The following GOLIM4 variants were observed in gnomAD, a reference collection of about 807,000 sequenced individuals.
GOLIM4 encodes 130 kDa golgi-localized phosphoprotein.
In GOLIM4, 71 loss-of-function variants were observed where a neutral mutation model predicts 107.4. That is an observed-to-expected ratio of 0.66 (90% CI 0.55 to 0.81). GOLIM4 has a LOEUF of 0.81. Ranked by LOEUF, GOLIM4 falls within the 30% of genes least tolerant of loss-of-function variation. GOLIM4 has a pLI of 0.00. For missense variants in GOLIM4, 830 were observed against 826.1 expected, an observed-to-expected ratio of 1.00 and a Z score of -0.06; for synonymous variants, 327 against 294.8, an observed-to-expected ratio of 1.11 and a Z score of -1.12.
intron 1 of GOLIM4, among the ~76,000 whole-genome samples, chr3:168,086,058 A>G (rs1039314997): frequency 1.3e-5 from 2 of 152,186 alleles, no homozygotes; most frequent in Admixed American, 6.5e-5. Context: ...ACAGTAAAAA[A>G]AATTATTTTT....
intron 3 of GOLIM4, among the ~76,000 whole-genome samples, chr3:168,046,737 A>G (rs900456472): frequency 2.8e-4 from 43 of 152,070 alleles, no homozygotes; most frequent in African/African-American, 9.7e-4. Flanking sequence ...TTCCCAGTTT[A>G]TCCCTATTAT....
chr3:168,014,080 A>C (rs1717221656), intron 14 of GOLIM4, among the ~76,000 whole-genome samples: 1 of 141,252 alleles, frequency 7.1e-6, no homozygotes, highest in African/African-American at 3.1e-5. Context: ...AAAACCCTTC[A>C]AAAAATTAAT....
At chr3:168,030,120 GGAGGCAGAGCTGGTTTATTAACGACTA>G in intron 9 of GOLIM4, 84 bp from the exon 10 acceptor site, 2 of 1,362,268 alleles carry the variant, frequency 1.5e-6, no homozygotes, top group Non-Finnish European at 2.0e-6. Flanking sequence ...GACAAACTCA[GGAGGCAGAGCTGGTTTATTAACGACTA>G]TTTGTCAGGT....
chr3:168,065,098 A>T (rs1720482902), intron 1 of GOLIM4, among the ~76,000 whole-genome samples: 1 of 152,196 alleles, frequency 6.6e-6, no homozygotes, highest in African/African-American at 2.4e-5. Context: ...GACACTAACA[A>T]ATTCACTGTT....
chr3:168,038,987 G>A (rs1281567350), intron 7 of GOLIM4, among the ~76,000 whole-genome samples: 2 of 152,132 alleles, frequency 1.3e-5, no homozygotes, highest in African/African-American at 4.8e-5. Flanking sequence ...CTGCAACCTG[G>A]AAGAAGAGGG....
chr3:168,086,333 T>C (rs987968057), intron 1 of GOLIM4, among the ~76,000 whole-genome samples: 4 of 152,172 alleles, frequency 2.6e-5, no homozygotes, highest in African/African-American at 9.6e-5. Flanking sequence ...ATAATATTTA[T>C]TTGACAGCAT....
chr3:168,088,375 T>G (rs1721731376), intron 1 of GOLIM4, among the ~76,000 whole-genome samples: 1 of 152,118 alleles, frequency 6.6e-6, no homozygotes, highest in Non-Finnish European at 1.5e-5. Flanking sequence ...ACAACAGTAG[T>G]TCTGGTCACC....
At chr3:168,072,966 T>C (rs1720909690) in intron 1 of GOLIM4, among the ~76,000 whole-genome samples, 1 of 152,218 alleles carries the variant, frequency 6.6e-6, no homozygotes, top group Non-Finnish European at 1.5e-5. Context: ...TAAAAATATA[T>C]GATTAAATAA....
chr3:168,069,311 G>C (rs1033697369), intron 1 of GOLIM4, among the ~76,000 whole-genome samples: 3 of 152,108 alleles, frequency 2.0e-5, no homozygotes, highest in African/African-American at 7.2e-5. Context: ...ACATTGCTAG[G>C]TCCAAGGGAC....
intron 1 of GOLIM4, among the ~76,000 whole-genome samples, chr3:168,079,611 T>C (rs571587207): frequency 7.4e-4 from 112 of 152,192 alleles, no homozygotes; most frequent in Non-Finnish European, 1.3e-3. Flanking sequence ...ATCTAAATTG[T>C]TATATTTGGT....
chr3:168,058,957 T>G (rs1474210626), intron 1 of GOLIM4, among the ~76,000 whole-genome samples: 3 of 152,132 alleles, frequency 2.0e-5, no homozygotes, highest in Non-Finnish European at 4.4e-5. Context: ...CAGAAAATTA[T>G]GCACAAGAGA....
chr3:168,062,059 G>T (rs530573320), intron 1 of GOLIM4, among the ~76,000 whole-genome samples: 1 of 152,256 alleles, frequency 6.6e-6, no homozygotes, highest in South Asian at 2.1e-4. Context: ...GTTATTTTTA[G>T]TTACATAAAT....
rs1188074446 is a variant in GOLIM4 at position 168,034,308 on chromosome 3, C to T, written c.844-1456G>A. Among the ~76,000 whole-genome samples the T allele has an allele frequency of 4.6e-5, 7 of 152,222 alleles. No homozygotes were observed. The South Asian group carries it at 1.4e-3, about 32-fold the overall frequency. ...GGTTAGTGCAGATAACTCCTATCTCCACCTCAGAGATGGAAAAACTGAAGA... is the reference window on the plus strand; with the variant it reads ...GGTTAGTGCAGATAACTCCTATCTCTACCTCAGAGATGGAAAAACTGAAGA... On this transcript the variant is annotated intron_variant, in intron 8 of 15. Transcript: ENST00000470487.
In GOLIM4 at chr3:168,056,036, C is replaced by T. The variant is rs145069962; in HGVS notation, c.188-7671G>A. ...GTCTCCAGGGCATGTCAGAGGTCTT[C>T]ACAGCAGCCCCTCCTATCACAGGCC... On this transcript the variant is annotated intron_variant, in intron 1 of 15. Transcript: ENST00000470487. Among the ~76,000 whole-genome samples, 109 of 152,340 alleles carry T rather than the reference C, an allele frequency of 7.2e-4. 1 individual carries two copies. Among genetic ancestry groups the T allele is most frequent in the African/African-American group, 2.5e-3 (105 of 41,572 alleles).
intron 1 of GOLIM4, among the ~76,000 whole-genome samples, chr3:168,048,597 G>C (rs1051656503): frequency 6.6e-6 from 1 of 152,148 alleles, no homozygotes; most frequent in Non-Finnish European, 1.5e-5. Context: ...TCTGAATGAT[G>C]CTTCCACCTT....
chr3:168,054,227 T>G (rs551796196), intron 1 of GOLIM4, among the ~76,000 whole-genome samples: 1 of 152,210 alleles, frequency 6.6e-6, no homozygotes, highest in African/African-American at 2.4e-5. Context: ...TTCCCACACA[T>G]TCAAGGCCCA....
At chr3:168,080,614 C>T (rs368394501) in intron 1 of GOLIM4, among the ~76,000 whole-genome samples, 3 of 152,062 alleles carry the variant, frequency 2.0e-5, no homozygotes, top group East Asian at 3.9e-4. Context: ...AACTTAGGTG[C>T]TTCTATAGGC....
At chr3:168,016,743 G>C (rs1717387805) in intron 14 of GOLIM4, among the ~76,000 whole-genome samples, 1 of 136,084 alleles carries the variant, frequency 7.3e-6, no homozygotes, top group Non-Finnish European at 1.5e-5. Context: ...TCCTTTGTAG[G>C]GACATGGATG....
intron 14 of GOLIM4, among the ~76,000 whole-genome samples, chr3:168,014,509 A>C (rs1397749468): frequency 7.8e-6 from 1 of 128,486 alleles, no homozygotes; most frequent in South Asian, 2.2e-4. Context: ...CAATCAATAG[A>C]AAAAGAGGGA....
Sources: allele counts gnomAD v4.1 joint callset (sites outside exome capture counted in the v4.1 genomes callset), GRCh38; gene constraint gnomAD v4.1.1; transcripts MANE v1.5; gene names NCBI Gene and HGNC (gene_info 2026-07-23, HGNC 2026-07-21).